Variants in NLRP1 observed in about 807,000 individuals in gnomAD.
NLRP1 encodes the protein NLR family pyrin domain containing 1.
In NLRP1, 94 loss-of-function variants were observed where a neutral mutation model predicts 136.7. The observed-to-expected ratio is 0.69, with a 90% CI of 0.58 to 0.82. The LOEUF is 0.82. NLRP1 is among the 40% of genes least tolerant of loss of function. The pLI is 0.00. For missense variants in NLRP1, 1,575 were observed against 1,802.7 expected, an observed-to-expected ratio of 0.87 and a Z score of 2.29; for synonymous variants, 690 against 725.1, an observed-to-expected ratio of 0.95 and a Z score of 0.78.
At chr17:5,529,268 A>C (rs1597406763) in intron 12 of NLRP1, among the ~76,000 whole-genome samples, 2 of 114,314 alleles carry the variant, frequency 1.7e-5, no homozygotes, top group East Asian at 2.7e-4. Context: ...TGTCTTGTTG[A>C]ATATTCTATT....
Position 5,559,325 on chromosome 17 carries a change from C to T in NLRP1, c.1371G>A (p.Thr457=), listed in dbSNP as rs756445565. The T allele has an allele frequency of 1.2e-5, 19 of 1,614,014 alleles. No individual in the cohort carries two copies. The highest frequency in any genetic ancestry group is 2.2e-5 in the East Asian group (1 of 44,898). Residue 457 remains threonine (T), a synonymous_variant, in exon 4 of 17, where the codon ACG becomes ACA. Coordinates refer to ENST00000572272, the MANE Select transcript of NLRP1 (RefSeq NM_033004.4). ...GGTTCTGCAGAGCTGTGGTCCGAGC[C>T]GTGATCAGGAAGGATGCCTCGGGAA... ...TILPEASFLI[T]ARTTALQNLI... is the part of the protein sequence containing the mutation.
downstream of NLRP1, among the ~76,000 whole-genome samples, chr17:5,513,661 T>C (rs1280672490): frequency 1.3e-5 from 2 of 152,194 alleles, no homozygotes; most frequent in African/African-American, 4.8e-5. Flanking sequence ...CTGTTCAGCA[T>C]GAAGCAGTGA....
chr17:5,543,583 C>A (rs753191120), intron 5 of NLRP1, among the ~76,000 whole-genome samples: 4 of 151,766 alleles, frequency 2.6e-5, no homozygotes, highest in Non-Finnish European at 5.9e-5. Context: ...AGAAAGATCC[C>A]TGAGGGAGGT....
rs779675944 is a variant in NLRP1, at chr17:5,559,120, C to T, written c.1576G>A (p.Ala526Thr). Residue 526 changes from alanine to threonine, a missense_variant, in exon 4 of 17, where the codon GCC becomes ACC. Physicochemically the swap from Ala to Thr is moderately conservative, Grantham distance 58. Coordinates refer to ENST00000572272, the MANE Select transcript of NLRP1 (RefSeq NM_033004.4). ...LCLVPWVSWL[A>T]CTCLMQQMKR... ...ATCTGCTGCATCAGGCAAGTGCAGG[C>T]CAGCCAGGACACCCAGGGCACAAGA... The T allele has an allele frequency of 1.2e-6, 2 of 1,614,146 alleles. No individual in the cohort carries two copies. Among genetic ancestry groups the T allele is most frequent in the South Asian group, 1.1e-5 (1 of 91,086 alleles).
At chr17:5,538,413 C>T (rs1420032242) in intron 7 of NLRP1, among the ~76,000 whole-genome samples, 1 of 152,138 alleles carries the variant, frequency 6.6e-6, no homozygotes, top group Non-Finnish European at 1.5e-5. Flanking sequence ...ATCCCTAGGC[C>T]TAGAATACTC....
In NLRP1 at chr17:5,584,240, G is replaced by A. The variant is rs1906038378; in HGVS notation, c.-283C>T. 2 of 515,868 alleles carry A rather than the reference G, an allele frequency of 3.9e-6. No homozygotes were observed. Among genetic ancestry groups the A allele is most frequent in the South Asian group, 4.4e-5 (2 of 45,966 alleles). 32.0% of individuals were successfully genotyped at this position (515,868 alleles called of 1,614,324 possible). ...TGGGGTCCAGGGCCAGGCAGGGAGG[G>A]TGAGGGTGAGGGGAGATGTGGTGAC... On this transcript the variant is annotated 5_prime_UTR_variant, in exon 1 of 17. Transcript: ENST00000572272.
intron 5 of NLRP1, among the ~76,000 whole-genome samples, chr17:5,549,010 G>A (rs886145634): frequency 6.6e-6 from 1 of 152,194 alleles, no homozygotes; most frequent in African/African-American, 2.4e-5. Context: ...GCTAGGGATT[G>A]TGTTGAATCT....
intron 3 of NLRP1, among the ~76,000 whole-genome samples, chr17:5,573,032 G>A (rs1904583439): frequency 6.6e-6 from 1 of 152,180 alleles, no homozygotes; most frequent in Non-Finnish European, 1.5e-5. Context: ...TGCCTCACCT[G>A]GGAAGTGCAA....
At chr17:5,571,534 C>A (rs891084180) in intron 3 of NLRP1, among the ~76,000 whole-genome samples, 4 of 152,146 alleles carry the variant, frequency 2.6e-5, no homozygotes, top group African/African-American at 7.2e-5. Context: ...AGGAATACAT[C>A]TAACCAGGAT....
intron 12 of NLRP1, among the ~76,000 whole-genome samples, chr17:5,527,488 G>C (rs1015040708): frequency 1.3e-5 from 2 of 152,136 alleles, no homozygotes; most frequent in South Asian, 4.1e-4. Context: ...GGGTAGGGGT[G>C]TAGCTCTTAG....
chr17:5,564,734 G>GTTT (rs59428190), intron 3 of NLRP1, among the ~76,000 whole-genome samples: 2,791 of 97,636 alleles, frequency 0.029, 128 homozygotes, highest in Middle Eastern at 0.062. Flanking sequence ...AATTTTTAGT[G>GTTT]TTTTTTTTTT....
rs769494128 is a variant in NLRP1 at position 5,583,786 on chromosome 17, C to T, written c.172G>A (p.Val58Met). The change falls in exon 1 of 17, where the codon GTG becomes ATG. Residue 58 changes from valine (V) to methionine (M), a missense_variant. By Grantham distance (21) the Val-to-Met change is conservative. Coordinates refer to ENST00000572272, the MANE Select transcript of NLRP1 (RefSeq NM_033004.4). The surrounding 1 kb of genome is among the most constrained non-coding windows in gnomAD (Gnocchi z 4.5). Reference sequence around the variant, plus strand: ...GCCCGCTGCTCCCCATACTGAGCCACCAGGTACGAGGCCACCTCCATGCCA... The same window carrying T: ...GCCCGCTGCTCCCCATACTGAGCCATCAGGTACGAGGCCACCTCCATGCCA... ...TSGMEVASYL[V>M]AQYGEQRAWD... The T allele has an allele frequency of 1.3e-6, 2 of 1,555,406 alleles. No homozygotes were observed. Among genetic ancestry groups the T allele is most frequent in the African/African-American group, 2.7e-5 (2 of 73,266 alleles).
In NLRP1 at chr17:5,561,743, C is replaced by A. The variant is rs1008617901; in HGVS notation, c.653-1700G>T. ...CAGGCGTGAGCCACCGCGCCCGGCC[C>A]CATGTGGTTTTTATACTTGCCATGA... On this transcript the variant is annotated intron_variant, in intron 3 of 16. Coordinates refer to ENST00000572272, the MANE Select transcript of NLRP1 (RefSeq NM_033004.4). Among the ~76,000 whole-genome samples the A allele has an allele frequency of 2.6e-5, 4 of 152,064 alleles. 1 individual carries two copies. In the East Asian group the frequency reaches 7.7e-4, roughly 29 times the overall value.
chr17:5,558,726 A>G lies in NLRP1; in HGVS notation c.1970T>C (p.Leu657Pro). 6.2e-7 allele frequency: 1 copy of G among 1,614,184 alleles called. No homozygotes were observed. Among genetic ancestry groups the G allele is most frequent in the Non-Finnish European group, 8.5e-7 (1 of 1,180,038 alleles). Residue 657 changes from leucine (L) to proline (P), a missense_variant, in exon 4 of 17, where the codon CTA (leucine) becomes CCA (proline). Leu to Pro is a moderately conservative substitution (Grantham distance 98). Transcript: ENST00000572272. Reference sequence around the variant, plus strand: ...CAGGCCATGTATTCCATATGCTTCTAGCGTCTTTTCCAAATCTATGATGCA... The same window carrying G: ...CAGGCCATGTATTCCATATGCTTCTGGCGTCTTTTCCAAATCTATGATGCA... Reference protein sequence around the residue: ...SNCIIDLEKTLEAYGIHGLFG... With the variant: ...SNCIIDLEKTPEAYGIHGLFG...
chr17:5,558,506 G>T lies in NLRP1; in HGVS notation c.2190C>A (p.Phe730Leu). ...HCLYETRNKTFLTQVMAHFEE... is the reference protein window; with the variant it reads ...HCLYETRNKTLLTQVMAHFEE... ...CGAAATGGGCCATCACTTGTGTCAG[G>T]AACGTTTTGTTCCGAGTCTCGTACA... The change falls in exon 4 of 17, where the codon TTC becomes TTA. Residue 730 changes from phenylalanine to leucine, a missense_variant. Coordinates refer to ENST00000572272, the MANE Select transcript of NLRP1 (RefSeq NM_033004.4). 6.2e-7 allele frequency: 1 copy of T among 1,614,040 alleles called. No homozygotes were observed. Among genetic ancestry groups the T allele is most frequent in the South Asian group, 1.1e-5 (1 of 91,082 alleles).
At chr17:5,511,881 C>A (rs1907666188), downstream of NLRP1, among the ~76,000 whole-genome samples, 1 of 145,936 alleles carries the variant, frequency 6.9e-6, no homozygotes, top group South Asian at 2.2e-4. Context: ...TCTCTTCTTT[C>A]TTCTTTCTCT....
intron 3 of NLRP1, among the ~76,000 whole-genome samples, chr17:5,575,558 C>T (rs1335171403): frequency 2.6e-5 from 4 of 152,130 alleles, no homozygotes; most frequent in Non-Finnish European, 5.9e-5. Flanking sequence ...GGGATCAATT[C>T]AACAAGAAGA....
At position 5,539,460 on chromosome 17, in the gene NLRP1, A is replaced by G; in HGVS notation, c.2825T>C (p.Leu942Pro). 1 of 1,614,054 alleles carries G rather than the reference A, an allele frequency of 6.2e-7. No individual in the cohort carries two copies. The highest frequency in any genetic ancestry group is 8.5e-7 in the Non-Finnish European group (1 of 1,179,992). ...NNLDDVGVRL[L>P]CEGLRHPACK... ...GGCAGGATGCCTGAGCCCCTCACAG[A>G]GCAGTCGCACGCCAACGTCATCCAG... Residue 942 changes from leucine to proline, a missense_variant, in exon 7 of 17, where the codon CTC becomes CCC. Transcript: ENST00000572272.
intron 12 of NLRP1, among the ~76,000 whole-genome samples, chr17:5,528,202 C>T (rs141929283): frequency 2.9e-4 from 44 of 152,182 alleles, no homozygotes; most frequent in Middle Eastern, 3.2e-3. Context: ...TGATAGAGTA[C>T]CTGGGGATCC....
Sources: allele counts gnomAD v4.1 joint callset (sites outside exome capture counted in the v4.1 genomes callset), GRCh38; gene constraint gnomAD v4.1.1; non-coding constraint Gnocchi (gnomAD v3.1); transcripts MANE v1.5; gene names NCBI Gene and HGNC (gene_info 2026-07-23, HGNC 2026-07-21).